PCDH15: variants seen among roughly 807,000 people sequenced by gnomAD.
PCDH15 encodes the protein protocadherin-15.
Under a neutral mutation model 178.5 loss-of-function variants are expected in PCDH15, and 129 were observed. That is an observed-to-expected ratio of 0.72 (90% CI 0.63 to 0.84). The LOEUF is 0.84. Ranked by LOEUF, PCDH15 falls within the 40% of genes least tolerant of loss-of-function variation. The pLI, the probability that PCDH15 is intolerant of heterozygous loss-of-function variation, is 0.00. For synonymous variants in PCDH15, 800 were observed against 732.0 expected, an observed-to-expected ratio of 1.09 and a Z score of -1.50; for missense variants, 2,230 against 2,099.9, an observed-to-expected ratio of 1.06 and a Z score of -1.21.
chr10:54,052,596 G>A (rs941582868), intron 18 of PCDH15, among the ~76,000 whole-genome samples: 9 of 152,102 alleles, frequency 5.9e-5, no homozygotes, highest in African/African-American at 1.9e-4. Flanking sequence ...CAGGCTATTA[G>A]GTGGAAGAAA....
chr10:54,104,563 C>T (rs552486284), intron 15 of PCDH15, among the ~76,000 whole-genome samples: 29 of 151,990 alleles, frequency 1.9e-4, no homozygotes, highest in South Asian at 8.3e-4. Context: ...TTCAGCCGGG[C>T]GCGGTAGCTC....
Position 55,253,195 on chromosome 10 carries a change from T to TA in PCDH15, c.-156+66403dup. 2.6e-5 allele frequency among the ~76,000 whole-genome samples: 4 copies of TA among 151,268 alleles called. 1 individual carries two copies. The South Asian group carries it at 8.4e-4, about 32-fold the overall frequency. ...ACAGAAACAGAGAGAATGGAGAGAG[T>TA]ATAGGGCATGGAGAAATAGAGAGAG... On this transcript the variant is annotated intron_variant, in intron 1 of 5. Coordinates refer to the PCDH15 transcript ENST00000458638.
intron 2 of PCDH15, among the ~76,000 whole-genome samples, chr10:55,550,309 T>C (rs960044936): frequency 1.3e-5 from 2 of 152,180 alleles, no homozygotes; most frequent in African/African-American, 2.4e-5. Context: ...TAAGGAGATG[T>C]TACTGATATA....
intron 3 of PCDH15, among the ~76,000 whole-genome samples, chr10:54,460,992 TA>T (rs1282561512): frequency 2.6e-5 from 4 of 152,154 alleles, no homozygotes; most frequent in East Asian, 3.9e-4. Flanking sequence ...ACAAAGTGCC[TA>T]AAGGATTCTT....
intron 3 of PCDH15, among the ~76,000 whole-genome samples, chr10:54,456,189 AGCTT>A (rs2076809351): frequency 1.3e-5 from 2 of 152,140 alleles, no homozygotes; most frequent in Admixed American, 1.3e-4. Flanking sequence ...ATCCATCCAC[AGCTT>A]GCACTGTGCA....
At chr10:55,582,628 A>G (rs5007774) in intron 2 of PCDH15, among the ~76,000 whole-genome samples, 1 of 69,032 alleles carries the variant, frequency 1.4e-5, no homozygotes. Context: ...ATATATATAT[A>G]TTTTTTTTTT....
intron 15 of PCDH15, among the ~76,000 whole-genome samples, chr10:54,113,639 G>GACACACACACACACACACACACAC (rs57193886): frequency 0.041 from 6,100 of 149,702 alleles, 229 homozygotes; most frequent in African/African-American, 0.096. Flanking sequence ...TCCCAACACA[G>GACACACACACACACACACACACAC]ACACACACAC....
chr10:54,682,023 G>T (rs1203338468), intron 1 of PCDH15, among the ~76,000 whole-genome samples: 1 of 152,080 alleles, frequency 6.6e-6, no homozygotes, highest in African/African-American at 2.4e-5. Flanking sequence ...ATGTATGAAG[G>T]ATTCCTTTGA....
chr10:54,499,376 T>C (rs1262703949), intron 3 of PCDH15, among the ~76,000 whole-genome samples: 1 of 152,070 alleles, frequency 6.6e-6, no homozygotes, highest in Non-Finnish European at 1.5e-5. Context: ...TGCATCCTTC[T>C]CATCTGAACA....
intron 8 of PCDH15, among the ~76,000 whole-genome samples, chr10:54,294,360 T>C (rs6481081): frequency 0.27 from 41,165 of 151,948 alleles, 6,579 homozygotes; most frequent in Middle Eastern, 0.39. Flanking sequence ...AATTACCTAA[T>C]GTAAATGACG....
chr10:55,427,784 T>C (rs925710360), intron 2 of PCDH15, among the ~76,000 whole-genome samples: 1 of 149,738 alleles, frequency 6.7e-6, no homozygotes, highest in Non-Finnish European at 1.5e-5. Flanking sequence ...CTATTCTAAA[T>C]TAATAAAAAG....
chr10:55,627,690 G>A (rs1446142994), exon 2 of PCDH15: 5 of 152,126 alleles, frequency 3.3e-5, no homozygotes, highest in Non-Finnish European at 7.3e-5. Context: ...GCGGACGTAG[G>A]GATCCCGAGC....
intron 1 of PCDH15, among the ~76,000 whole-genome samples, chr10:54,754,201 AT>A (rs1946753628): frequency 2.0e-5 from 3 of 151,970 alleles, no homozygotes; most frequent in African/African-American, 7.2e-5. Context: ...TGGCTTTCAA[AT>A]TTCCTTTAGA....
intron 1 of PCDH15, among the ~76,000 whole-genome samples, chr10:55,228,057 G>T (rs1841102376): frequency 6.6e-6 from 1 of 151,888 alleles, no homozygotes; most frequent in Admixed American, 6.6e-5. Context: ...GCACATGCAG[G>T]GACTGATGAA....
intron 2 of PCDH15, among the ~76,000 whole-genome samples, chr10:55,489,595 C>T (rs1046431142): frequency 1.3e-5 from 2 of 151,682 alleles, no homozygotes; most frequent in African/African-American, 4.8e-5. Flanking sequence ...AGAAGTACTT[C>T]CATTTGTATC....
At chr10:55,445,356 T>A (rs1050549955) in intron 2 of PCDH15, among the ~76,000 whole-genome samples, 1 of 152,072 alleles carries the variant, frequency 6.6e-6, no homozygotes, top group African/African-American at 2.4e-5. Context: ...AAAATACCAT[T>A]CAACTCCTCT....
chr10:53,809,422 G>T (rs768988407), intron 37 of PCDH15: 9 of 1,613,896 alleles, frequency 5.6e-6, no homozygotes, highest in Non-Finnish European at 7.6e-6. Context: ...GAATATTCTG[G>T]CTCTCTTCCA....
At chr10:55,620,676 G>A (rs1192156475) in intron 2 of PCDH15, among the ~76,000 whole-genome samples, 2 of 151,566 alleles carry the variant, frequency 1.3e-5, no homozygotes, top group African/African-American at 4.8e-5. Context: ...GTTTCCTAGA[G>A]ACATAAGACA....
chr10:54,616,637 A>C (rs1170749014), intron 2 of PCDH15, among the ~76,000 whole-genome samples: 1 of 152,090 alleles, frequency 6.6e-6, no homozygotes, highest in South Asian at 2.1e-4. Context: ...TACAAAGTAC[A>C]TGTTGAGAAT....
Sources: allele counts gnomAD v4.1 joint callset (sites outside exome capture counted in the v4.1 genomes callset), GRCh38; gene constraint gnomAD v4.1.1; transcripts MANE v1.5; gene names NCBI Gene and HGNC (gene_info 2026-07-23, HGNC 2026-07-21).